Variants in NRXN1 observed in about 807,000 individuals in gnomAD.
The protein encoded by NRXN1 is neurexin 1.
A neutral mutation model predicts 150.9 loss-of-function variants in NRXN1; 39 were observed. The observed-to-expected ratio is 0.26, with a 90% CI of 0.20 to 0.34. NRXN1 has a LOEUF of 0.34. Among genes scored for constraint, NRXN1 ranks in the 10% least tolerant of loss-of-function variants. NRXN1 has a pLI of 1.00. For missense variants in NRXN1, 1,815 were observed against 1,949.9 expected (o/e 0.93, Z 1.30); for synonymous variants, 924 against 757.0 (o/e 1.22, Z -3.62).
At chr2:50,825,362 C>A (rs887752357) in intron 5 of NRXN1, among the ~76,000 whole-genome samples, 4 of 152,142 alleles carry the variant, frequency 2.6e-5, no homozygotes, top group Admixed American at 2.6e-4. Flanking sequence ...GGGGGCCAGT[C>A]ACCAAGACCA....
chr2:50,035,667 G>A (rs1689916117), intron 21 of NRXN1, among the ~76,000 whole-genome samples: 1 of 152,014 alleles, frequency 6.6e-6, no homozygotes, highest in African/African-American at 2.4e-5. Flanking sequence ...ATAAAACTAA[G>A]GACAATGTAG....
chr2:50,295,060 G>A (rs1476326686), intron 17 of NRXN1, among the ~76,000 whole-genome samples: 2 of 152,182 alleles, frequency 1.3e-5, no homozygotes, highest in East Asian at 3.9e-4. Flanking sequence ...TAAATGCCTA[G>A]AAAGGATGAA....
chr2:49,926,612 A>C (rs1572879563), intron 22 of NRXN1, among the ~76,000 whole-genome samples: 2 of 152,366 alleles, frequency 1.3e-5, no homozygotes, highest in Admixed American at 1.3e-4. Context: ...GTGCCTTGTC[A>C]CATAGAAAAA....
intron 19 of NRXN1, among the ~76,000 whole-genome samples, chr2:50,059,626 C>T (rs1299904405): frequency 6.6e-6 from 1 of 152,192 alleles, no homozygotes; most frequent in Non-Finnish European, 1.5e-5. Flanking sequence ...ACAGCACTTC[C>T]TATCACAAGC....
At chr2:49,995,757 A>T (rs113480940) in intron 21 of NRXN1, among the ~76,000 whole-genome samples, 149 of 131,556 alleles carry the variant, frequency 1.1e-3, no homozygotes, top group African/African-American at 4.1e-3. Flanking sequence ...ATCCAGCCTG[A>T]GCGACAGAGC....
chr2:50,296,147 T>G (rs188515895), intron 17 of NRXN1, among the ~76,000 whole-genome samples: 1 of 152,324 alleles, frequency 6.6e-6, no homozygotes, highest in Admixed American at 6.5e-5. Flanking sequence ...GTTTCACGCC[T>G]ACTTGATAAG....
intron 17 of NRXN1, among the ~76,000 whole-genome samples, chr2:50,317,307 AG>A (rs2075688061): frequency 1.3e-5 from 2 of 151,938 alleles, no homozygotes; most frequent in Non-Finnish European, 2.9e-5. Flanking sequence ...ACCCTTACCA[AG>A]ACAGACAGAC....
intron 17 of NRXN1, among the ~76,000 whole-genome samples, chr2:50,369,471 A>C (rs571378170): frequency 2.0e-4 from 30 of 152,018 alleles, no homozygotes; most frequent in Non-Finnish European, 4.1e-4. Context: ...CAGGAAGTTA[A>C]CAAATCCTAT....
intron 5 of NRXN1, among the ~76,000 whole-genome samples, chr2:50,729,250 T>C (rs1697781424): frequency 6.6e-6 from 1 of 152,224 alleles, no homozygotes; most frequent in African/African-American, 2.4e-5. Flanking sequence ...GAATTATTAT[T>C]TCCGAAATTA....
At chr2:50,808,587 G>T (rs577023976) in intron 5 of NRXN1, among the ~76,000 whole-genome samples, 1 of 152,164 alleles carries the variant, frequency 6.6e-6, no homozygotes, top group East Asian at 1.9e-4. Context: ...AAATGTTTGT[G>T]TTCAAGGAAA....
chr2:50,175,861 AT>A (rs1437088945), intron 18 of NRXN1, among the ~76,000 whole-genome samples: 1 of 152,116 alleles, frequency 6.6e-6, no homozygotes, highest in Non-Finnish European at 1.5e-5. Context: ...TTCTTCTCAT[AT>A]TATGTGCTTC....
At chr2:50,355,287 T>G (rs2078713333) in intron 17 of NRXN1, among the ~76,000 whole-genome samples, 1 of 94,502 alleles carries the variant, frequency 1.1e-5, no homozygotes, top group Non-Finnish European at 1.8e-5. Context: ...AATATTTATA[T>G]ATACATATAT....
chr2:50,583,175 C>T (rs1401548878), intron 8 of NRXN1, among the ~76,000 whole-genome samples: 1 of 152,004 alleles, frequency 6.6e-6, no homozygotes, highest in Non-Finnish European at 1.5e-5. Context: ...TTCAGCCTCC[C>T]AAGTAGCTGG....
chr2:50,089,338 G>A (rs1699237104), intron 19 of NRXN1, among the ~76,000 whole-genome samples: 1 of 152,178 alleles, frequency 6.6e-6, no homozygotes, highest in Admixed American at 6.5e-5. Context: ...AACATCCCAT[G>A]AGCAAAGCCT....
At chr2:50,237,841 T>C (rs1270193425) in intron 17 of NRXN1, among the ~76,000 whole-genome samples, 1 of 151,864 alleles carries the variant, frequency 6.6e-6, no homozygotes, top group African/African-American at 2.4e-5. Flanking sequence ...ATAAACCCCA[T>C]ATGTTGAGGG....
chr2:50,876,455 A>G lies in NRXN1; in HGVS notation c.832+45414T>C, dbSNP rs189757713. ...CAAATTCTTTTTTAATATTTACTAT[A>G]TATTTCCCACTGTACTACACACTAG... On this transcript the variant is annotated intron_variant, in intron 5 of 22. Transcript: ENST00000401669. Among the ~76,000 whole-genome samples, 321 of 152,012 alleles carry G rather than the reference A, an allele frequency of 2.1e-3. 1 individual carries two copies. Among genetic ancestry groups the G allele is most frequent in the Admixed American group, 7.0e-3 (107 of 15,230 alleles).
chr2:50,340,955 C>A (rs1001459453), intron 17 of NRXN1, among the ~76,000 whole-genome samples: 6 of 152,160 alleles, frequency 3.9e-5, no homozygotes, highest in Non-Finnish European at 7.3e-5. Flanking sequence ...GCTCTATTCT[C>A]TTCTCAAAGA....
At chr2:50,697,118 T>C (rs1332666759) in intron 5 of NRXN1, among the ~76,000 whole-genome samples, 1 of 152,088 alleles carries the variant, frequency 6.6e-6, no homozygotes, top group South Asian at 2.1e-4. Flanking sequence ...CAAAGATGTA[T>C]TTGGAAGGGG....
intron 17 of NRXN1, among the ~76,000 whole-genome samples, chr2:50,349,373 T>C (rs1159041974): frequency 6.6e-6 from 1 of 152,224 alleles, no homozygotes; most frequent in African/African-American, 2.4e-5. Flanking sequence ...GCAACATATG[T>C]ATTTTAATTC....
Sources: allele counts gnomAD v4.1 joint callset (sites outside exome capture counted in the v4.1 genomes callset), GRCh38; gene constraint gnomAD v4.1.1; transcripts MANE v1.5; gene names NCBI Gene and HGNC (gene_info 2026-07-23, HGNC 2026-07-21).